PRELID2: variants seen among roughly 807,000 people sequenced by gnomAD.
PRELID2 encodes PRELI domain-containing protein 2.
A neutral mutation model predicts 28.4 loss-of-function variants in PRELID2; 25 were observed. That is an observed-to-expected ratio of 0.88 (90% CI 0.64 to 1.23). The LOEUF is 1.23. Among genes scored for constraint, PRELID2 ranks in the 50% most tolerant of loss-of-function variants. The pLI, the probability that PRELID2 is intolerant of heterozygous loss-of-function variation, is 0.00. For missense variants in PRELID2, 201 were observed against 214.4 expected (o/e 0.94, Z 0.39); for synonymous variants, 76 against 71.6 (o/e 1.06, Z -0.31).
intron 1 of PRELID2, among the ~76,000 whole-genome samples, chr5:145,483,317 T>A (rs1205946710): frequency 6.6e-6 from 1 of 152,144 alleles, no homozygotes; most frequent in Non-Finnish European, 1.5e-5. Flanking sequence ...ATAGCATGTT[T>A]CTACTAGCTG....
At chr5:145,415,257 TTTTTA>T in the PRELID2 span, among the ~76,000 whole-genome samples, 1 of 152,160 alleles carries the variant, frequency 6.6e-6, no homozygotes, top group African/African-American at 2.4e-5. Context: ...TTTGTTTTGT[TTTTTA>T]TTTTATTTTC....
chr5:145,451,912 T>C, the PRELID2 span, among the ~76,000 whole-genome samples: 1 of 152,316 alleles, frequency 6.6e-6, no homozygotes, highest in East Asian at 1.9e-4. Context: ...TAATGAGTGA[T>C]GGTTGCTCTC....
intron 4 of PRELID2, among the ~76,000 whole-genome samples, chr5:145,797,927 T>G (rs1489418197): frequency 1.3e-5 from 2 of 151,736 alleles, no homozygotes; most frequent in Non-Finnish European, 1.5e-5. Context: ...GAAATAACCA[T>G]CTTAAAATGC....
At chr5:145,807,240 A>G (rs1753576236) in intron 4 of PRELID2, among the ~76,000 whole-genome samples, 1 of 152,220 alleles carries the variant, frequency 6.6e-6, no homozygotes, top group African/African-American at 2.4e-5. Flanking sequence ...GAAATGTTGT[A>G]GGCAGTGTTG....
the PRELID2 span, among the ~76,000 whole-genome samples, chr5:145,407,866 A>T: frequency 6.6e-6 from 1 of 152,070 alleles, no homozygotes; most frequent in African/African-American, 2.4e-5. Flanking sequence ...CACTAAACAA[A>T]ACTACAGCCA....
At chr5:145,674,334 G>A (rs936022234) in intron 1 of PRELID2, among the ~76,000 whole-genome samples, 3 of 146,048 alleles carry the variant, frequency 2.1e-5, no homozygotes, top group Admixed American at 1.4e-4. Context: ...TGACAGGCCC[G>A]GGTGTGTGAT....
At chr5:145,637,611 GGAAGAAAAAACCAGTATAA>G (rs1223911591) in intron 1 of PRELID2, among the ~76,000 whole-genome samples, 3 of 152,032 alleles carry the variant, frequency 2.0e-5, no homozygotes, top group African/African-American at 7.2e-5. Flanking sequence ...ATAACCAGTG[GGAAGAAAAAACCAGTATAA>G]GAAGAAGGCA....
chr5:145,531,481 G>C (rs546722484), intron 1 of PRELID2, among the ~76,000 whole-genome samples: 5 of 152,168 alleles, frequency 3.3e-5, no homozygotes, highest in Admixed American at 3.3e-4. Flanking sequence ...TGAAGAAAAG[G>C]CTGGAAAACT....
chr5:145,334,414 T>A, the PRELID2 span, among the ~76,000 whole-genome samples: 1 of 152,212 alleles, frequency 6.6e-6, no homozygotes, highest in African/African-American at 2.4e-5. Context: ...TTATATTGTG[T>A]GTCATGTAAT....
chr5:145,535,477 T>C (rs1286565792), intron 1 of PRELID2, among the ~76,000 whole-genome samples: 1 of 151,828 alleles, frequency 6.6e-6, no homozygotes, highest in African/African-American at 2.4e-5. Context: ...CACATAACAG[T>C]AGGTTTTATT....
intron 1 of PRELID2, among the ~76,000 whole-genome samples, chr5:145,583,191 C>A (rs1420440749): frequency 6.6e-6 from 1 of 152,042 alleles, no homozygotes; most frequent in African/African-American, 2.4e-5. Context: ...AGACAAAAAC[C>A]ACATGATTAT....
chr5:145,500,099 C>T (rs1477825906), intron 1 of PRELID2, among the ~76,000 whole-genome samples: 1 of 152,128 alleles, frequency 6.6e-6, no homozygotes, highest in Non-Finnish European at 1.5e-5. Flanking sequence ...AACATAGCTG[C>T]AAAATGTAGA....
the PRELID2 span, among the ~76,000 whole-genome samples, chr5:145,358,524 C>G: frequency 6.6e-6 from 1 of 152,054 alleles, no homozygotes; most frequent in African/African-American, 2.4e-5. Context: ...CAGAGAAAGA[C>G]AGGATACAGT....
chr5:145,473,789 A>G (rs1430266348), intron 1 of PRELID2, among the ~76,000 whole-genome samples: 1 of 152,194 alleles, frequency 6.6e-6, no homozygotes, highest in African/African-American at 2.4e-5. Flanking sequence ...AAGTCTTCAG[A>G]TGAGCCTTAA....
the PRELID2 span, among the ~76,000 whole-genome samples, chr5:145,312,837 T>C: frequency 6.6e-6 from 1 of 152,184 alleles, no homozygotes. Flanking sequence ...CAGATATTTT[T>C]TCAACATGTT....
chr5:145,514,785 A>G (rs914319488), intron 1 of PRELID2, among the ~76,000 whole-genome samples: 5 of 151,524 alleles, frequency 3.3e-5, no homozygotes, highest in African/African-American at 1.2e-4. Flanking sequence ...AAAAAGAAAG[A>G]AAAGGAAATC....
At chr5:145,740,548 T>C (rs1313830111) in intron 1 of PRELID2, among the ~76,000 whole-genome samples, 1 of 31,134 alleles carries the variant, frequency 3.2e-5, no homozygotes, top group Non-Finnish European at 7.9e-5. Flanking sequence ...CCCAACAACA[T>C]GAGAATATTC....
the PRELID2 span, among the ~76,000 whole-genome samples, chr5:145,356,690 C>T: frequency 6.6e-6 from 1 of 152,186 alleles, no homozygotes; most frequent in Non-Finnish European, 1.5e-5. Context: ...ACGCTGTAGA[C>T]AGCATACAGT....
At chr5:145,605,563 G>A (rs1753492024) in intron 1 of PRELID2, among the ~76,000 whole-genome samples, 2 of 152,046 alleles carry the variant, frequency 1.3e-5, no homozygotes, top group South Asian at 4.1e-4. Flanking sequence ...GCATGCTGCT[G>A]CGGTTTCTGT....
Sources: allele counts gnomAD v4.1 joint callset (sites outside exome capture counted in the v4.1 genomes callset), GRCh38; gene constraint gnomAD v4.1.1; transcripts MANE v1.5; gene names NCBI Gene and HGNC (gene_info 2026-07-23, HGNC 2026-07-21).